MLLT3: variants seen among roughly 807,000 people sequenced by gnomAD.
The protein encoded by MLLT3 is MLLT3 super elongation complex subunit.
MLLT3 carries 4 observed loss-of-function variants against 53.2 expected under a neutral mutation model. The observed-to-expected ratio is 0.08, with a 90% CI of 0.04 to 0.17. The LOEUF (loss-of-function observed/expected upper bound fraction) is 0.17, where lower values mean the gene tolerates loss of function less well. Among genes scored for constraint, MLLT3 ranks in the 10% least tolerant of loss-of-function variants. MLLT3 has a pLI of 1.00. For synonymous variants in MLLT3, 283 were observed against 230.6 expected (o/e 1.23, Z -2.06); for missense variants, 569 against 684.0 (o/e 0.83, Z 1.87).
chr9:20,412,407 T>C (rs999599274), intron 5 of MLLT3, among the ~76,000 whole-genome samples: 3 of 152,226 alleles, frequency 2.0e-5, no homozygotes, highest in African/African-American at 7.2e-5. Flanking sequence ...ATGTCCAGTA[T>C]TTTATATGCT....
In MLLT3 at chr9:20,346,379, CAAAA is replaced by C. The variant is rs543672849; in HGVS notation, c.*60_*63del. The C allele has an allele frequency of 6.1e-6, 6 of 985,628 alleles. No homozygotes were observed. The Admixed American group carries it at 1.3e-4, about 21-fold the overall frequency. The allele number at this position is 985,628 out of a possible 1,614,324, so 61.1% of individuals were successfully genotyped here. ...AACAACAAGAACAAAAAATCACAAC[CAAAA>C]AAAAAAAAAACCAAAAAAAAAAAAC... is the stretch of plus-strand genomic sequence containing the variant. On this transcript the variant is annotated 3_prime_UTR_variant, in exon 11 of 11. Coordinates refer to ENST00000380338, the MANE Select transcript of MLLT3 (RefSeq NM_004529.4).
At position 20,490,895 on chromosome 9, in the gene MLLT3, C is replaced by T. The variant is rs552693793; in HGVS notation, c.194-34109G>A. On this transcript the variant is annotated intron_variant, in intron 2 of 10. Transcript: ENST00000380338. ...CACAGAATCTAGGATCTAGTAATGA[C>T]TAGAGTGGTTTACTGTATATTCAAG... Among the ~76,000 whole-genome samples, 129 of 152,080 alleles carry T rather than the reference C, an allele frequency of 8.5e-4. 1 individual carries two copies. Among genetic ancestry groups the T allele is most frequent in the Admixed American group, 1.6e-3 (25 of 15,270 alleles).
intron 5 of MLLT3, among the ~76,000 whole-genome samples, chr9:20,375,601 TTTTC>T (rs1417364238): frequency 9.1e-6 from 1 of 110,432 alleles, no homozygotes; most frequent in Admixed American, 9.3e-5. Context: ...ATTTTTTTTT[TTTTC>T]TTTTCTTTTT....
At position 20,506,230 on chromosome 9, in the gene MLLT3, G is replaced by A. The variant is rs112092838; in HGVS notation, c.194-49444C>T. On this transcript the variant is annotated intron_variant, in intron 2 of 10. Coordinates refer to ENST00000380338, the MANE Select transcript of MLLT3 (RefSeq NM_004529.4). The stretch of plus-strand genomic sequence containing the variant: ...CCACCACGCCCAGCTAGTTTGAGAC[G>A]AGGTTTCTCCATGTTGGCCAGGCTG... Among the ~76,000 whole-genome samples the A allele has an allele frequency of 7.2e-3, 1,090 of 152,190 alleles. 11 individuals are homozygous for A. Among genetic ancestry groups the A allele is most frequent in the Non-Finnish European group, 0.011 (774 of 67,986 alleles).
intron 2 of MLLT3, among the ~76,000 whole-genome samples, chr9:20,487,626 T>C (rs879487726): frequency 8.5e-5 from 13 of 152,158 alleles, no homozygotes; most frequent in Non-Finnish European, 5.9e-5. Context: ...ACCAATAATT[T>C]AGTTATCAGA....
chr9:20,386,190 G>A (rs1044574904), intron 5 of MLLT3, among the ~76,000 whole-genome samples: 2 of 152,200 alleles, frequency 1.3e-5, no homozygotes, highest in East Asian at 1.9e-4. Context: ...ATGAAAAAGA[G>A]TTTGCAATTA....
intron 2 of MLLT3, among the ~76,000 whole-genome samples, chr9:20,522,502 G>C (rs914097060): frequency 2.6e-5 from 4 of 151,958 alleles, no homozygotes; most frequent in Admixed American, 2.0e-4. Context: ...ATTATTGCCT[G>C]TCAATTTTTT....
At chr9:20,359,113 C>T (rs969599600) in intron 8 of MLLT3, among the ~76,000 whole-genome samples, 2 of 139,290 alleles carry the variant, frequency 1.4e-5, no homozygotes, top group African/African-American at 5.6e-5. Flanking sequence ...CCATTGCACT[C>T]CAGCCTGGGC....
At chr9:20,561,984 C>T (rs1819227033) in intron 2 of MLLT3, among the ~76,000 whole-genome samples, 1 of 152,024 alleles carries the variant, frequency 6.6e-6, no homozygotes, top group African/African-American at 2.4e-5. Context: ...GAAGTAAGGA[C>T]ATCACCAAGG....
intron 2 of MLLT3, among the ~76,000 whole-genome samples, chr9:20,587,563 G>A (rs962543141): frequency 2.6e-5 from 4 of 151,956 alleles, no homozygotes; most frequent in African/African-American, 9.7e-5. Context: ...ACCATTAAAA[G>A]AAAAAAATCT....
chr9:20,359,555 C>T (rs1289041008), intron 8 of MLLT3, among the ~76,000 whole-genome samples: 1 of 152,182 alleles, frequency 6.6e-6, no homozygotes, highest in South Asian at 2.1e-4. Flanking sequence ...TGGTATCATT[C>T]CTACTTAACA....
chr9:20,393,295 C>T (rs1822235063), intron 5 of MLLT3, among the ~76,000 whole-genome samples: 1 of 152,288 alleles, frequency 6.6e-6, no homozygotes, highest in African/African-American at 2.4e-5. Context: ...TGTTCCTTAA[C>T]TACGTATTTC....
intron 10 of MLLT3, among the ~76,000 whole-genome samples, chr9:20,348,023 T>C (rs1206328071): frequency 6.6e-6 from 1 of 152,192 alleles, no homozygotes; most frequent in Non-Finnish European, 1.5e-5. Context: ...TCCTGACATA[T>C]TATTTGACTT....
intron 8 of MLLT3, among the ~76,000 whole-genome samples, chr9:20,359,319 C>G (rs1404836108): frequency 1.3e-5 from 2 of 152,076 alleles, no homozygotes; most frequent in Non-Finnish European, 2.9e-5. Context: ...TTTTACTTTC[C>G]TCTGAAATGC....
chr9:20,574,524 T>C (rs577937392), intron 2 of MLLT3, among the ~76,000 whole-genome samples: 1 of 152,338 alleles, frequency 6.6e-6, no homozygotes, highest in Admixed American at 6.5e-5. Context: ...CCATAGTCTA[T>C]TGAGTATGCA....
At chr9:20,545,096 C>CAAAAAAAAAA (rs60850984) in intron 2 of MLLT3, among the ~76,000 whole-genome samples, 3 of 48,074 alleles carry the variant, frequency 6.2e-5, no homozygotes, top group Non-Finnish European at 1.1e-4. Flanking sequence ...CCTATCTCTA[C>CAAAAAAAAAA]AAAAAAAAAA....
intron 2 of MLLT3, among the ~76,000 whole-genome samples, chr9:20,615,100 T>C (rs1820793156): frequency 6.6e-6 from 1 of 151,888 alleles, no homozygotes. Flanking sequence ...TCTCAGCAAT[T>C]TGGGAGATCG....
intron 2 of MLLT3, among the ~76,000 whole-genome samples, chr9:20,571,460 C>A (rs185437657): frequency 6.6e-6 from 1 of 152,070 alleles, no homozygotes; most frequent in East Asian, 1.9e-4. Context: ...TTTTACTATA[C>A]TTTAAGTTCT....
At chr9:20,422,060 T>A (rs1162784645) in intron 4 of MLLT3, among the ~76,000 whole-genome samples, 1 of 152,088 alleles carries the variant, frequency 6.6e-6, no homozygotes, top group Non-Finnish European at 1.5e-5. Flanking sequence ...ACAGAGCCAC[T>A]GAGACCCAAA....
Sources: gnomAD v4.1 joint callset for allele counts (sites outside exome capture counted in the v4.1 genomes callset) on GRCh38, gnomAD v4.1.1 for gene constraint, MANE v1.5 for transcripts, NCBI Gene and HGNC (gene_info 2026-07-23, HGNC 2026-07-21) for gene names.